LRMDA: variants seen among roughly 807,000 people sequenced by gnomAD.
The protein encoded by LRMDA is leucine rich melanocyte differentiation associated, also known as leucine-rich melanocyte differentiation-associated protein.
In LRMDA, 18 loss-of-function variants were observed where a neutral mutation model predicts 29.8. The observed-to-expected ratio is 0.60, with a 90% CI of 0.42 to 0.90. LRMDA has a LOEUF of 0.90. Among genes scored for constraint, LRMDA ranks in the 40% least tolerant of loss-of-function variants. LRMDA has a pLI of 0.00. For missense variants in LRMDA, 273 were observed against 273.9 expected (o/e 1.00, Z 0.02); for synonymous variants, 125 against 109.4 (o/e 1.14, Z -0.89).
At chr10:75,791,638 T>G (rs933593649) in intron 2 of LRMDA, among the ~76,000 whole-genome samples, 1 of 152,174 alleles carries the variant, frequency 6.6e-6, no homozygotes, top group Admixed American at 6.5e-5. Flanking sequence ...TCAGAATGAT[T>G]GGTTATGCTT....
At position 76,208,920 on chromosome 10, in the gene LRMDA, G is replaced by A. The variant is rs149539400; in HGVS notation, c.517-115481G>A. ...TGTAATCCTAGCACTTTGGGAGGCC[G>A]AGGAGGGCGGATCACCTGAGGTCAG... On this transcript the variant is annotated intron_variant, in intron 5 of 6. Transcript: ENST00000611255. Among the ~76,000 whole-genome samples, 1,290 of 152,174 alleles carry A rather than the reference G, an allele frequency of 8.5e-3. 21 individuals carry two copies. Among genetic ancestry groups the A allele is most frequent in the African/African-American group, 0.029 (1,218 of 41,514 alleles).
chr10:76,036,892 G>T (rs1252521554), intron 3 of LRMDA, among the ~76,000 whole-genome samples: 1 of 152,190 alleles, frequency 6.6e-6, no homozygotes, highest in Non-Finnish European at 1.5e-5. Flanking sequence ...ATGCCAGCTC[G>T]ATGGGACAGG....
intron 5 of LRMDA, among the ~76,000 whole-genome samples, chr10:76,225,724 T>TTTATTTATTTATTTATTTATTAA (rs1554856628): frequency 1.2e-5 from 1 of 83,962 alleles, no homozygotes; most frequent in South Asian, 4.1e-4. Context: ...TTATTTATTA[T>TTTATTTATTTATTTATTTATTAA]TATATATATA....
At chr10:76,207,568 A>G (rs1198293722) in intron 5 of LRMDA, among the ~76,000 whole-genome samples, 2 of 152,190 alleles carry the variant, frequency 1.3e-5, no homozygotes, top group African/African-American at 2.4e-5. Context: ...GCACATAGTC[A>G]TGTGAGTCAC....
chr10:75,586,027 G>C (rs1840651264), intron 2 of LRMDA, among the ~76,000 whole-genome samples: 1 of 151,932 alleles, frequency 6.6e-6, no homozygotes, highest in South Asian at 2.1e-4. Context: ...TTTAAGGGTG[G>C]GTAGTAGTCT....
chr10:75,480,741 A>C (rs1348387196), intron 2 of LRMDA, among the ~76,000 whole-genome samples: 1 of 152,130 alleles, frequency 6.6e-6, no homozygotes, highest in Non-Finnish European at 1.5e-5. Flanking sequence ...TTGTGGAGAG[A>C]ATGGGCTGCG....
chr10:75,850,776 G>A (rs1427621510), intron 2 of LRMDA, among the ~76,000 whole-genome samples: 1 of 152,076 alleles, frequency 6.6e-6, no homozygotes, highest in Non-Finnish European at 1.5e-5. Flanking sequence ...CGGGGCCTTG[G>A]GAGCAGAGGA....
chr10:76,557,235 T>A lies in LRMDA; in HGVS notation c.628T>A (p.Tyr210Asn). ...TGTCCTGGGGAAGTGTCGCTACGTT[T>A]ACTATGGGAAAAACTCAGAGGGCAA... ...QGVLGKCRYV[Y>N]YGKNSEGNRF... is the part of the protein sequence containing the mutation. Residue 210 changes from tyrosine to asparagine, a missense_variant, in exon 7 of 7, where the codon TAC becomes AAC. Tyr to Asn is a moderately radical substitution (Grantham distance 143). Coordinates refer to ENST00000611255, the MANE Select transcript of LRMDA (RefSeq NM_001305581.2). 3.1e-6 allele frequency: 5 copies of A among 1,614,174 alleles called. No homozygotes were observed. Among genetic ancestry groups the A allele is most frequent in the Non-Finnish European group, 4.2e-6 (5 of 1,180,020 alleles).
intron 5 of LRMDA, among the ~76,000 whole-genome samples, chr10:76,102,417 G>A (rs1283238069): frequency 2.0e-5 from 3 of 151,964 alleles, no homozygotes; most frequent in East Asian, 3.9e-4. Flanking sequence ...AGGCCCCATT[G>A]TTGTTCCCCT....
intron 2 of LRMDA, among the ~76,000 whole-genome samples, chr10:76,011,681 A>G (rs1442156982): frequency 6.6e-6 from 1 of 152,132 alleles, no homozygotes; most frequent in African/African-American, 2.4e-5. Context: ...ATTGTTTAGG[A>G]AAGGGATTCT....
intron 6 of LRMDA, among the ~76,000 whole-genome samples, chr10:76,363,172 AGAAAGGAGGGAG>A (rs1841338338): frequency 1.7e-4 from 3 of 17,294 alleles, no homozygotes; most frequent in African/African-American, 6.6e-4. Flanking sequence ...AAAGAAAGAA[AGAAAGGAGGGAG>A]GGAGGGAGGG....
At chr10:75,461,713 C>T (rs1844587863) in intron 2 of LRMDA, among the ~76,000 whole-genome samples, 1 of 152,210 alleles carries the variant, frequency 6.6e-6, no homozygotes. Flanking sequence ...TATGCTTACA[C>T]TGGTCCAAAC....
chr10:76,075,140 T>G (rs1212354261), intron 5 of LRMDA, among the ~76,000 whole-genome samples: 2 of 152,224 alleles, frequency 1.3e-5, no homozygotes, highest in East Asian at 3.9e-4. Flanking sequence ...ATGCGGACAT[T>G]GTGCACTGAC....
intron 5 of LRMDA, among the ~76,000 whole-genome samples, chr10:76,094,135 AT>A (rs1849277415): frequency 6.6e-6 from 1 of 152,142 alleles, no homozygotes; most frequent in Non-Finnish European, 1.5e-5. Context: ...CTGCTAACAT[AT>A]GCTGAAAGAA....
Position 75,991,367 on chromosome 10 carries a change from G to T in LRMDA, c.132-44641G>T, listed in dbSNP as rs554237943. Among the ~76,000 whole-genome samples the T allele has an allele frequency of 2.1e-4, 32 of 152,264 alleles. No individual in the cohort carries two copies. In the South Asian group the frequency reaches 6.2e-3, roughly 30 times the overall value. On this transcript the variant is annotated intron_variant, in intron 2 of 6. Transcript: ENST00000611255. ...CAGGGCTCTTCTGCCCGTGGAATCT[G>T]TTATTGGGTTAATGTTCCCTGATCT...
chr10:75,866,350 C>A (rs1484192012), intron 2 of LRMDA, among the ~76,000 whole-genome samples: 1 of 152,234 alleles, frequency 6.6e-6, no homozygotes, highest in Admixed American at 6.5e-5. Flanking sequence ...TGGCCTACAA[C>A]TCTGGAATAC....
rs529589992 is a variant in LRMDA at position 75,750,279 on chromosome 10, G to A, written c.132-285729G>A. On this transcript the variant is annotated intron_variant, in intron 2 of 6. Transcript: ENST00000611255. ...GCTGCCCACCTCCCTCCCCGCCGGGGCGGCTGGCCGGGCAGGGGCTGCCCC... is the reference window on the plus strand; with the variant it reads ...GCTGCCCACCTCCCTCCCCGCCGGGACGGCTGGCCGGGCAGGGGCTGCCCC... Among the ~76,000 whole-genome samples the A allele has an allele frequency of 3.4e-4, 51 of 151,668 alleles. 1 individual carries two copies. The South Asian group carries it at 9.4e-3, about 28-fold the overall frequency.
intron 2 of LRMDA, among the ~76,000 whole-genome samples, chr10:75,775,517 A>C (rs1285730406): frequency 6.6e-6 from 1 of 152,230 alleles, no homozygotes. Flanking sequence ...GGAAAATTCC[A>C]CTAGTGGTCA....
At chr10:75,646,254 A>G (rs1841519469) in intron 2 of LRMDA, among the ~76,000 whole-genome samples, 2 of 152,330 alleles carry the variant, frequency 1.3e-5, no homozygotes, top group South Asian at 4.1e-4. Flanking sequence ...CATTTAAAGT[A>G]TAAAAGAAAA....
Sources: gnomAD v4.1 joint callset for allele counts (sites outside exome capture counted in the v4.1 genomes callset) on GRCh38, gnomAD v4.1.1 for gene constraint, MANE v1.5 for transcripts, NCBI Gene and HGNC (gene_info 2026-07-23, HGNC 2026-07-21) for gene names.